Variants in LRPAP1 observed in about 807,000 individuals in gnomAD.
LRPAP1 encodes LDL receptor related protein associated protein 1, also known as alpha-2-macroglobulin receptor-associated protein.
A neutral mutation model predicts 39.9 loss-of-function variants in LRPAP1; 41 were observed. The observed-to-expected ratio is 1.03, with a 90% confidence interval of 0.80 to 1.33. The LOEUF (loss-of-function observed/expected upper bound fraction) is 1.33. Among genes scored for constraint, LRPAP1 ranks in the 40% most tolerant of loss-of-function variants. The probability of loss-of-function intolerance (pLI) is 0.00; values close to 1 mark genes in which losing one functional copy is unlikely to be tolerated. For synonymous variants in LRPAP1, 263 were observed against 212.7 expected (o/e 1.24, Z -2.06); for missense variants, 565 against 482.3 (o/e 1.17, Z -1.61).
chr4:3,505,611 CACT>C lies in LRPAP1; in HGVS notation c.*7360_*7362del, dbSNP rs1023124723. On this transcript the variant is annotated 3_prime_UTR_variant, in exon 8 of 8. Coordinates refer to ENST00000650182, the MANE Select transcript of LRPAP1 (RefSeq NM_002337.4). ...AGCAGCCCACACGCCTCCTGAGCACCACTACCAGCTACCCCAAGCCCGTCTATA... is the reference window on the plus strand; with the variant it reads ...AGCAGCCCACACGCCTCCTGAGCACCACCAGCTACCCCAAGCCCGTCTATA... 2.1e-4 allele frequency among the ~76,000 whole-genome samples: 32 copies of C among 152,334 alleles called. 1 individual carries two copies. Among genetic ancestry groups the C allele is most frequent in the African/African-American group, 7.0e-4 (29 of 41,576 alleles).
Position 3,532,350 on chromosome 4 carries a change from G to C in LRPAP1, c.63C>G (p.Leu21=), listed in dbSNP as rs943097056. ...TCGCAGCGGGCCAGGGCCCGAGGAA[G>C]AGCAGCAGCAGTAGCAGCGCCGGGA... ...RGLPALLLLL[L]FLGPWPAASH... The change falls in exon 1 of 8, where the codon CTC becomes CTG. Residue 21 remains leucine, a synonymous_variant. Coordinates refer to ENST00000650182, the MANE Select transcript of LRPAP1 (RefSeq NM_002337.4). 1 of 1,594,444 alleles carries C rather than the reference G, an allele frequency of 6.3e-7. No individual in the cohort carries two copies. The highest frequency in any genetic ancestry group is 8.5e-7 in the Non-Finnish European group (1 of 1,170,904).
rs1729388958 is a variant in LRPAP1, at chr4:3,507,490, T to TTAC, written c.*5483_*5484insGTA. The TTAC allele has an allele frequency of 9.2e-6, 1 of 108,448 alleles. No homozygotes were observed. Among genetic ancestry groups the TTAC allele is most frequent in the Non-Finnish European group, 2.0e-5 (1 of 50,300 alleles). The allele number at this position is 108,448 out of a possible 1,614,324, so 6.7% of individuals were successfully genotyped here. Reference sequence around the variant, plus strand: ...CTACATATCATATATTTATACATTATCATCTGCGAATTACTGACATTTGCT... The same window carrying TTAC: ...CTACATATCATATATTTATACATTATTACCATCTGCGAATTACTGACATTTGCT... On this transcript the variant is annotated 3_prime_UTR_variant, in exon 8 of 8. Transcript: ENST00000650182.
chr4:3,529,364 T>C (rs1297365771), intron 1 of LRPAP1, among the ~76,000 whole-genome samples: 1 of 151,964 alleles, frequency 6.6e-6, no homozygotes, highest in African/African-American at 2.4e-5. Context: ...ACTAAGGACC[T>C]ATGGCCAAGG....
At chr4:3,524,281 A>G (rs1730010637) in intron 2 of LRPAP1, among the ~76,000 whole-genome samples, 1 of 152,174 alleles carries the variant, frequency 6.6e-6, no homozygotes, top group Non-Finnish European at 1.5e-5. Context: ...TGCTGGTACC[A>G]AGCAGGCGAC....
At chr4:3,513,491 T>A (rs1729597361) in intron 7 of LRPAP1, among the ~76,000 whole-genome samples, 1 of 152,118 alleles carries the variant, frequency 6.6e-6, no homozygotes, top group South Asian at 2.1e-4. Flanking sequence ...CTACTTTTGG[T>A]AGAGATGGGG....
intron 7 of LRPAP1, 60 bp downstream of exon 7, chr4:3,514,692 G>C: frequency 6.5e-7 from 1 of 1,533,976 alleles, no homozygotes; most frequent in African/African-American, 1.4e-5. Flanking sequence ...CTGCATGTGG[G>C]CGGCCTCATC....
rs559641887 is a variant in LRPAP1 at position 3,504,355 on chromosome 4, T to G, written c.*8619A>C. 1 of 152,428 alleles carries G rather than the reference T, an allele frequency of 6.6e-6. No individual in the cohort carries two copies. The highest frequency in any genetic ancestry group is 2.4e-5 in the African/African-American group (1 of 41,584). 9.4% of individuals were successfully genotyped at this position (152,428 alleles called of 1,614,324 possible). On this transcript the variant is annotated 3_prime_UTR_variant, in exon 8 of 8. Coordinates refer to ENST00000650182, the MANE Select transcript of LRPAP1 (RefSeq NM_002337.4). ...CAGGCCGGGCACAGAAGCTCATGCCTGTAATCCCAGCACTTTGGGCAGCCG... is the reference window on the plus strand; with the variant it reads ...CAGGCCGGGCACAGAAGCTCATGCCGGTAATCCCAGCACTTTGGGCAGCCG...
chr4:3,525,189 G>T, intron 1 of LRPAP1, 138 bp from the exon 2 acceptor site: 1 of 911,220 alleles, frequency 1.1e-6, no homozygotes, highest in East Asian at 2.5e-5. Flanking sequence ...ACTGTCAGCA[G>T]GATTCAAACC....
In LRPAP1 at chr4:3,508,689, G is replaced by A. The variant is rs879842700; in HGVS notation, c.*4285C>T. On this transcript the variant is annotated 3_prime_UTR_variant, in exon 8 of 8. Transcript: ENST00000650182. ...TAATTCACTACAGTAATGCGGTAAG[G>A]AAGTGACCTCATGAGCATCTCACTA... is the stretch of plus-strand genomic sequence containing the variant. 2 of 152,170 alleles carry A rather than the reference G, an allele frequency of 1.3e-5. No individual in the cohort carries two copies. The highest frequency in any genetic ancestry group is 4.8e-5 in the African/African-American group (2 of 41,432). The allele number at this position is 152,170 out of a possible 1,614,324, so 9.4% of individuals were successfully genotyped here. A position where few individuals can be genotyped will look rare whatever the true frequency, so the allele number is the denominator to read the frequency against.
chr4:3,522,517 G>A (rs929117772), intron 2 of LRPAP1, among the ~76,000 whole-genome samples: 1 of 152,138 alleles, frequency 6.6e-6, no homozygotes, highest in Non-Finnish European at 1.5e-5. Context: ...CCCTGCCTGG[G>A]GAGGACGGAC....
In LRPAP1 at chr4:3,532,269, G is replaced by A; in HGVS notation, c.144C>T (p.Arg48=). Residue 48 remains arginine, a synonymous_variant, in exon 1 of 8, where the codon CGC becomes CGT. Transcript: ENST00000650182. ...EKNQPKPSPK[R]ESGEEFRMEK... ...CCATGCGGAACTCCTCTCCGGACTC[G>A]CGTTTCGGGGACGGCTTGGGCTGGT... is the stretch of plus-strand genomic sequence containing the variant. 5.1e-6 allele frequency: 8 copies of A among 1,555,862 alleles called. No homozygotes were observed. Among genetic ancestry groups the A allele is most frequent in the Non-Finnish European group, 7.0e-6 (8 of 1,149,226 alleles).
In LRPAP1 at chr4:3,507,132, G is replaced by A. The variant is rs1729377175; in HGVS notation, c.*5842C>T. The A allele has an allele frequency of 6.6e-6, 1 of 152,248 alleles. No individual in the cohort carries two copies. The highest frequency in any genetic ancestry group is 1.5e-5 in the Non-Finnish European group (1 of 68,058). 9.4% of individuals were successfully genotyped at this position (152,248 alleles called of 1,614,324 possible). ...CCAGCTACTCAGAAGACCGAGGTGG[G>A]AGGCTCGCTTGAGCCCAGGAGTTTG... On this transcript the variant is annotated 3_prime_UTR_variant, in exon 8 of 8. Coordinates refer to ENST00000650182, the MANE Select transcript of LRPAP1 (RefSeq NM_002337.4).
intron 2 of LRPAP1, 97 bp from the exon 3 acceptor site, chr4:3,520,290 C>T (rs2108691528): frequency 7.5e-7 from 1 of 1,331,012 alleles, no homozygotes; most frequent in Non-Finnish European, 1.0e-6. Context: ...GACAGGTTTG[C>T]CTCTCATTTT....
intron 2 of LRPAP1, among the ~76,000 whole-genome samples, chr4:3,521,505 G>A (rs1272914471): frequency 6.6e-6 from 1 of 152,132 alleles, no homozygotes; most frequent in African/African-American, 2.4e-5. Flanking sequence ...CAGCCCTGGG[G>A]AGTGTCCCTG....
At chr4:3,523,892 C>T (rs551860764) in intron 2 of LRPAP1, among the ~76,000 whole-genome samples, 34 of 152,042 alleles carry the variant, frequency 2.2e-4, no homozygotes, top group African/African-American at 7.0e-4. Flanking sequence ...TTCACACCAC[C>T]GTCCTGTGAG....
At chr4:3,519,795 C>G (rs1012667228) in intron 3 of LRPAP1, among the ~76,000 whole-genome samples, 59 of 152,354 alleles carry the variant, frequency 3.9e-4, no homozygotes, top group African/African-American at 1.4e-3. Flanking sequence ...CGTCACCATC[C>G]CGTAACCACA....
At position 3,510,641 on chromosome 4, in the gene LRPAP1, G is replaced by A. The variant is rs1729478385; in HGVS notation, c.*2333C>T. On this transcript the variant is annotated 3_prime_UTR_variant, in exon 8 of 8. Coordinates refer to ENST00000650182, the MANE Select transcript of LRPAP1 (RefSeq NM_002337.4). ...TCCTGAGTAGGGACTGGATACACAC[G>A]CGGCACACACCCACACAACAGGCCG... The A allele has an allele frequency of 6.6e-6, 1 of 152,276 alleles. No individual in the cohort carries two copies. Among genetic ancestry groups the A allele is most frequent in the South Asian group, 2.1e-4 (1 of 4,834 alleles). 9.4% of individuals were successfully genotyped at this position (152,276 alleles called of 1,614,324 possible). A position where few individuals can be genotyped will look rare whatever the true frequency, so the allele number is the denominator to read the frequency against.
chr4:3,532,325 T>A lies in LRPAP1; in HGVS notation c.88A>T (p.Ser30Cys), dbSNP rs201806719. The A allele has an allele frequency of 4.0e-5, 63 of 1,585,538 alleles. No individual in the cohort carries two copies. The East Asian group carries it at 1.4e-3, about 34-fold the overall frequency. The change falls in exon 1 of 8, where the codon AGC (serine) becomes TGC (cysteine). Residue 30 changes from serine (S) to cysteine (C), a missense_variant. Ser to Cys is a moderately radical substitution (Grantham distance 112). Transcript: ENST00000650182. ...TCCCGCGAGTACTTGCCGCCGTGGC[T>A]CGCAGCGGGCCAGGGCCCGAGGAAG... ...LLFLGPWPAA[S>C]HGGKYSREKN...
Position 3,511,338 on chromosome 4 carries a change from T to G in LRPAP1, c.*1636A>C, listed in dbSNP as rs1385052537. On this transcript the variant is annotated 3_prime_UTR_variant, in exon 8 of 8. Coordinates refer to ENST00000650182, the MANE Select transcript of LRPAP1 (RefSeq NM_002337.4). ...AATATCCACCCACAATAAAGTGCATTAAAATCAGAGCACAGGACAGTCATG... is the reference window on the plus strand; with the variant it reads ...AATATCCACCCACAATAAAGTGCATGAAAATCAGAGCACAGGACAGTCATG... 1 of 148,622 alleles carries G rather than the reference T, an allele frequency of 6.7e-6. No homozygotes were observed. The allele number at this position is 148,622 out of a possible 1,614,324, so 9.2% of individuals were successfully genotyped here. A position where few individuals can be genotyped will look rare whatever the true frequency, so the allele number is the denominator to read the frequency against.
Sources: gnomAD v4.1 joint callset for allele counts (sites outside exome capture counted in the v4.1 genomes callset) on GRCh38, gnomAD v4.1.1 for gene constraint, MANE v1.5 for transcripts, NCBI Gene and HGNC (gene_info 2026-07-23, HGNC 2026-07-21) for gene names.